The following ITGB4 variants were observed in gnomAD, a reference collection of about 807,000 sequenced individuals.
The protein encoded by ITGB4 is integrin subunit beta 4, also known as integrin beta-4.
In ITGB4, 159 loss-of-function variants were observed where a neutral mutation model predicts 207.6. That is an observed-to-expected ratio of 0.77 (90% CI 0.67 to 0.87). The LOEUF (loss-of-function observed/expected upper bound fraction) is 0.87. Among genes scored for constraint, ITGB4 ranks in the 40% least tolerant of loss-of-function variants. The pLI is 0.00. For synonymous variants in ITGB4, 1,020 were observed against 1,062.7 expected (o/e 0.96, Z 0.78); for missense variants, 2,278 against 2,546.8 (o/e 0.89, Z 2.27).
chr17:75,741,138 G>A (rs928279302), intron 23 of ITGB4, 133 bp downstream of exon 23: 12 of 1,010,942 alleles, frequency 1.2e-5, no homozygotes, highest in African/African-American at 3.2e-5. Context: ...CGTCAGGTTC[G>A]GACCTTCATT....
rs2060798277 is a variant in ITGB4 at position 75,729,238 on chromosome 17, C to T, written c.567-27C>T. 6 of 1,577,278 alleles carry T rather than the reference C, an allele frequency of 3.8e-6. No individual in the cohort carries two copies. The highest frequency in any genetic ancestry group is 5.2e-6 in the Non-Finnish European group (6 of 1,149,340). ...TCTGCGGCGTCTTCCCCCTGTGACA[C>T]TCTCTCTCCCTCCCACCTCTGCCCA... On this transcript the variant is annotated intron_variant, in intron 6 of 39. Coordinates refer to ENST00000200181, the MANE Select transcript of ITGB4 (RefSeq NM_000213.5). This position sits in a 1 kb window ranked among gnomAD's most constrained non-coding sequence, Gnocchi z 4.4.
At position 75,728,362 on chromosome 17, in the gene ITGB4, C is replaced by T. The variant is rs2060770679; in HGVS notation, c.470-15C>T. The T allele has an allele frequency of 6.2e-7, 1 of 1,612,556 alleles. No homozygotes were observed. Among genetic ancestry groups the T allele is most frequent in the East Asian group, 2.2e-5 (1 of 44,886 alleles). On this transcript the variant is annotated splice_polypyrimidine_tract_variant and intron_variant, in intron 5 of 39. Transcript: ENST00000200181. ...CAGGGCTCAGCTATCCCCTCTCTGTCCTTTTGACATCCAGCTCGGGTCCTG... is the reference window on the plus strand; with the variant it reads ...CAGGGCTCAGCTATCCCCTCTCTGTTCTTTTGACATCCAGCTCGGGTCCTG...
Position 75,753,849 on chromosome 17 carries a change from C to T in ITGB4, c.4193C>T (p.Pro1398Leu). 1 of 1,400,946 alleles carries T rather than the reference C, an allele frequency of 7.1e-7. No homozygotes were observed. Among genetic ancestry groups the T allele is most frequent in the Non-Finnish European group, 9.3e-7 (1 of 1,075,502 alleles). 86.8% of individuals were successfully genotyped at this position (1,400,946 alleles called of 1,614,324 possible). A position where few individuals can be genotyped will look rare whatever the true frequency, so the allele number is the denominator to read the frequency against. ...TGGCGGCTGCCCCCGGAGCTCATCC[C>T]GCGCCTGTCGGCCAGCAGCGGGCGC... ...VTWRLPPELI[P>L]RLSASSGRSS... Residue 1398 changes from proline (P) to leucine (L), a missense_variant, in exon 33 of 40, where the codon CCG (proline) becomes CTG (leucine). Transcript: ENST00000200181.
rs746527171 is a variant in ITGB4, at chr17:75,756,602, C to T, written c.4882C>T (p.Leu1628=). The change falls in exon 36 of 40, where the codon CTG becomes TTG. Residue 1628 remains leucine (L), a synonymous_variant. Coordinates refer to ENST00000200181, the MANE Select transcript of ITGB4 (RefSeq NM_000213.5). ...ATCCCAGGTGCACCCGCAGAGCCCA[C>T]TGTGTCCCCTGCCAGGTGAGTTGCC... ...IESQVHPQSP[L]CPLPGSAFTL... is the part of the protein sequence containing the mutation. 6.2e-7 allele frequency: 1 copy of T among 1,612,844 alleles called. No individual in the cohort carries two copies. The highest frequency in any genetic ancestry group is 8.5e-7 in the Non-Finnish European group (1 of 1,179,950).
At position 75,756,771 on chromosome 17, in the gene ITGB4, C is replaced by CTCGCT; in HGVS notation, c.4966_4970dup (p.Gln1658ArgfsTer4). ...TGGTGTTCACTGCCCTGAGCCCAGA[C>CTCGCT]TCGCTGCAGCTGAGCTGGGAGCGGC... On this transcript the variant is annotated frameshift_variant, in exon 37 of 40. Transcript: ENST00000200181. LOFTEE classifies it high-confidence loss of function. 1 of 1,612,916 alleles carries CTCGCT rather than the reference C, an allele frequency of 6.2e-7. No individual in the cohort carries two copies. The highest frequency in any genetic ancestry group is 2.2e-5 in the East Asian group (1 of 44,890).
rs963564866 is a variant in ITGB4, at chr17:75,757,282, C to T, written c.5301C>T (p.His1767=). 1.9e-5 allele frequency: 31 copies of T among 1,611,750 alleles called. No homozygotes were observed. The highest frequency in any genetic ancestry group is 2.5e-5 in the Non-Finnish European group (29 of 1,179,980). Residue 1767 remains histidine, a synonymous_variant, in exon 39 of 40, where the codon CAC becomes CAT. Coordinates refer to ENST00000200181, the MANE Select transcript of ITGB4 (RefSeq NM_000213.5). ...AGTACAGCAGCATCACCACCACCCA[C>T]ACCAGCGCCACCGAGCCCTTCCTAG... ...QSEYSSITTT[H]TSATEPFLVD...
Position 75,737,546 on chromosome 17 carries a change from C to A in ITGB4, c.2122C>A (p.Pro708Thr). Residue 708 changes from proline (P) to threonine (T), a missense_variant, in exon 18 of 40, where the codon CCG becomes ACG. Coordinates refer to ENST00000200181, the MANE Select transcript of ITGB4 (RefSeq NM_000213.5). ...VLVHKKKDCPPGSFWWLIPLL... is the reference protein window; with the variant it reads ...VLVHKKKDCPTGSFWWLIPLL... ...TGCCTCCTCCTCTCCAGACTGCCCT[C>A]CGGGCTCCTTCTGGTGGCTCATCCC... 6.3e-7 allele frequency: 1 copy of A among 1,578,590 alleles called. No homozygotes were observed. Among genetic ancestry groups the A allele is most frequent in the Non-Finnish European group, 8.6e-7 (1 of 1,162,724 alleles).
intron 13 of ITGB4, 32 bp from the exon 14 acceptor site, chr17:75,736,019 C>T (rs1235924663): frequency 1.9e-6 from 3 of 1,595,458 alleles, no homozygotes; most frequent in Admixed American, 1.7e-5. Flanking sequence ...ACAGATGTAG[C>T]TCTCATCTCC....
At chr17:75,757,389 G>A (rs557661478) in intron 39 of ITGB4, 27 bp from the exon 40 acceptor site, 2 of 1,613,036 alleles carry the variant, frequency 1.2e-6, no homozygotes, top group African/African-American at 1.3e-5. Flanking sequence ...CCCCAAGCCA[G>A]GTCATCTAAT....
At chr17:75,754,865 C>T (rs1599314732) in intron 34 of ITGB4, 50 bp downstream of exon 34, 7 of 1,612,638 alleles carry the variant, frequency 4.3e-6, no homozygotes, top group South Asian at 1.1e-5. Flanking sequence ...TTCCTCTCTT[C>T]CAGCTCCTGG....
At position 75,732,522 on chromosome 17, in the gene ITGB4, C is replaced by T. The variant is rs8080879; in HGVS notation, c.1454+283C>T. 4.6e-5 allele frequency among the ~76,000 whole-genome samples: 7 copies of T among 152,114 alleles called. No individual in the cohort carries two copies. Among genetic ancestry groups the T allele is most frequent in the Non-Finnish European group, 8.8e-5 (6 of 68,040 alleles). On this transcript the variant is annotated intron_variant, in intron 12 of 39. Transcript: ENST00000200181. The surrounding 1 kb of genome is among the most constrained non-coding windows in gnomAD (Gnocchi z 5.3). ...GTCTGGATCTTGGGGGACAGGCACA[C>T]GAGGCTTCCTTTTTGCTCCATGCCT...
At position 75,747,932 on chromosome 17, in the gene ITGB4, G is replaced by A. The variant is rs543075930; in HGVS notation, c.3112-909G>A. ...TCACTTTCTGAGTTGGGTGGCATGA[G>A]GTTGCCTCCCCAGCCATCGCCCTGG... On this transcript the variant is annotated intron_variant, in intron 26 of 39. Coordinates refer to ENST00000200181, the MANE Select transcript of ITGB4 (RefSeq NM_000213.5). 1.4e-4 allele frequency among the ~76,000 whole-genome samples: 21 copies of A among 152,302 alleles called. No individual in the cohort carries two copies. In the South Asian group the frequency reaches 4.1e-3, roughly 30 times the overall value.
Position 75,736,628 on chromosome 17 carries a change from GAGA to G in ITGB4, c.1930_1932del (p.Lys644del), listed in dbSNP as rs766764705. On this transcript the variant is annotated inframe_deletion, in exon 16 of 40. Transcript: ENST00000200181. ...GCAGTGCCAGGCGTGGGGCACCGGC[GAGA>G]AGAAGGGGCGCACGTGTGAGGAATG... 6.2e-6 allele frequency: 10 copies of G among 1,601,982 alleles called. No individual in the cohort carries two copies. In the Admixed American group the frequency reaches 7.0e-5, roughly 11 times the overall value.
At chr17:75,752,607 A>T (rs955369453) in intron 32 of ITGB4, 30 bp downstream of exon 32, 5 of 1,612,662 alleles carry the variant, frequency 3.1e-6, no homozygotes, top group Non-Finnish European at 4.2e-6. Flanking sequence ...CCACAAGAGG[A>T]CAGTGGGGGT....
intron 26 of ITGB4, 151 bp downstream of exon 26, chr17:75,744,012 C>A: frequency 2.4e-6 from 2 of 832,590 alleles, no homozygotes; most frequent in Non-Finnish European, 3.7e-6. Flanking sequence ...CGTCCACCTG[C>A]TCCTGCCACC....
At chr17:75,755,394 C>T (rs2061473887) in intron 34 of ITGB4, among the ~76,000 whole-genome samples, 1 of 152,196 alleles carries the variant, frequency 6.6e-6, no homozygotes, top group Non-Finnish European at 1.5e-5. Context: ...TCTGCCTCTG[C>T]CCTCCCAGGG....
intron 30 of ITGB4, 83 bp from the exon 31 acceptor site, chr17:75,752,091 C>A: frequency 6.9e-7 from 1 of 1,442,262 alleles, no homozygotes; most frequent in Non-Finnish European, 9.8e-7. Flanking sequence ...CCAGGGGATG[C>A]ACGGCCGTCC....
chr17:75,757,476 C>T lies in ITGB4; in HGVS notation c.5390C>T (p.Thr1797Ile). 1 of 1,612,914 alleles carries T rather than the reference C, an allele frequency of 6.2e-7. No individual in the cohort carries two copies. Among genetic ancestry groups the T allele is most frequent in the Non-Finnish European group, 8.5e-7 (1 of 1,180,008 alleles). ...GGCGGCTCCCTCACCCGGCATGTGA[C>T]CCAGGAGTTTGTGAGCCGGACACTG... Reference protein sequence around the residue: ...EAGGSLTRHVTQEFVSRTLTT... With the variant: ...EAGGSLTRHVIQEFVSRTLTT... Residue 1797 changes from threonine (T) to isoleucine (I), a missense_variant, in exon 40 of 40, where the codon ACC (threonine) becomes ATC (isoleucine). Coordinates refer to ENST00000200181, the MANE Select transcript of ITGB4 (RefSeq NM_000213.5).
rs1262085099 is a variant in ITGB4, at chr17:75,740,026, C to A, written c.2401C>A (p.Pro801Thr). Reference sequence around the variant, plus strand: ...GAAGGTCACCAACAACATGCAGCGGCCTGGCTTTGCCACTCATGCCGCCAG... The same window carrying A: ...GAAGGTCACCAACAACATGCAGCGGACTGGCTTTGCCACTCATGCCGCCAG... ...RWKVTNNMQRPGFATHAASIN... is the reference protein window; with the variant it reads ...RWKVTNNMQRTGFATHAASIN... Residue 801 changes from proline (P) to threonine (T), a missense_variant, in exon 20 of 40, where the codon CCT becomes ACT. Transcript: ENST00000200181. This position sits in a 1 kb window ranked among gnomAD's most constrained non-coding sequence, Gnocchi z 5.9. 13 of 1,612,998 alleles carry A rather than the reference C, an allele frequency of 8.1e-6. No homozygotes were observed. The highest frequency in any genetic ancestry group is 1.1e-5 in the Non-Finnish European group (13 of 1,179,940).
Sources: gnomAD v4.1 joint callset for allele counts (sites outside exome capture counted in the v4.1 genomes callset) on GRCh38, gnomAD v4.1.1 for gene constraint, Gnocchi (gnomAD v3.1) non-coding constraint, MANE v1.5 for transcripts, NCBI Gene and HGNC (gene_info 2026-07-23, HGNC 2026-07-21) for gene names.